The following TBCE variants were observed in gnomAD, a reference collection of about 807,000 sequenced individuals.
TBCE encodes the protein tubulin folding cofactor E, also known as tubulin-specific chaperone E.
Under a neutral mutation model 77.0 loss-of-function variants are expected in TBCE, and 53 were observed. That is an observed-to-expected ratio of 0.69 (90% CI 0.55 to 0.87). TBCE has a LOEUF of 0.87. Ranked by LOEUF, TBCE falls within the 40% of genes least tolerant of loss-of-function variation. The probability of loss-of-function intolerance (pLI) is 0.00; values close to 1 mark genes in which losing one functional copy is unlikely to be tolerated. For missense variants in TBCE, 624 were observed against 622.4 expected (o/e 1.00, Z -0.03); for synonymous variants, 235 against 241.3 (o/e 0.97, Z 0.24).
chr1:235,411,728 G>A (rs1679792935), intron 3 of TBCE, among the ~76,000 whole-genome samples: 1 of 152,020 alleles, frequency 6.6e-6, no homozygotes, highest in South Asian at 2.1e-4. Flanking sequence ...GAGAGATATG[G>A]GACTTAATTT....
intron 4 of TBCE, among the ~76,000 whole-genome samples, chr1:235,416,552 AAC>A (rs1004843684): frequency 1.0e-4 from 14 of 139,352 alleles, no homozygotes; most frequent in African/African-American, 2.4e-4. Context: ...AAAAAAAAAA[AAC>A]CCCAAATATT....
In TBCE at chr1:235,448,405, G is replaced by A. The variant is rs749208716; in HGVS notation, c.1456G>A (p.Val486Met). Residue 486 changes from valine to methionine, a missense_variant, in exon 16 of 17, where the codon GTG becomes ATG. Transcript: ENST00000642610. ...GCTGTCACGTCTTCTCAAAGTTCCT[G>A]TGTCAGACCTTCTGTTGTCCTATGA... is the stretch of plus-strand genomic sequence containing the variant. ...GLLSRLLKVP[V>M]SDLLLSYESP... The A allele has an allele frequency of 5.0e-6, 8 of 1,613,986 alleles. No individual in the cohort carries two copies. Among genetic ancestry groups the A allele is most frequent in the Non-Finnish European group, 5.9e-6 (7 of 1,180,016 alleles).
At position 235,422,888 on chromosome 1, in the gene TBCE, C is replaced by T. The variant is rs541984509; in HGVS notation, c.460+3327C>T. Among the ~76,000 whole-genome samples, 110 of 152,296 alleles carry T rather than the reference C, an allele frequency of 7.2e-4. 2 individuals carry two copies. The highest frequency in any genetic ancestry group is 4.4e-3 in the Admixed American group (68 of 15,304). On this transcript the variant is annotated intron_variant, in intron 5 of 16. Transcript: ENST00000642610. ...TGGGAGTGCTGGCTGTTGGGTTGCT[C>T]AGAGCTGTCAGCAGTGTCCTGAAGA...
chr1:235,441,894 A>C lies in TBCE; in HGVS notation c.1339+12A>C. ...AAACCAGCTACTAAGTAAGAATCTCAGATTCAAATAGTTTATTTGTATTTG... is the reference window on the plus strand; with the variant it reads ...AAACCAGCTACTAAGTAAGAATCTCCGATTCAAATAGTTTATTTGTATTTG... On this transcript the variant is annotated intron_variant, in intron 14 of 16. Transcript: ENST00000642610. 1 of 1,612,238 alleles carries C rather than the reference A, an allele frequency of 6.2e-7. No homozygotes were observed. The highest frequency in any genetic ancestry group is 8.5e-7 in the Non-Finnish European group (1 of 1,178,530).
Position 235,371,238 on chromosome 1 carries a change from T to C in TBCE, c.-32+3734T>C, listed in dbSNP as rs145286387. Among the ~76,000 whole-genome samples, 815 of 151,658 alleles carry C rather than the reference T, an allele frequency of 5.4e-3. 7 individuals carry two copies. The highest frequency in any genetic ancestry group is 0.019 in the African/African-American group (791 of 41,388). On this transcript the variant is annotated intron_variant, in intron 1 of 16. Transcript: ENST00000642610. The stretch of plus-strand genomic sequence containing the variant: ...TACCTGACTAATTTTGTATTTTTAG[T>C]AGAGATGGGGTTTCTCCATGTTGGT...
chr1:235,432,929 TAAA>T, intron 7 of TBCE: 3 of 885,662 alleles, frequency 3.4e-6, no homozygotes, highest in African/African-American at 1.8e-5. Flanking sequence ...TTTTTTTTTG[TAAA>T]AAAAAAAAAT....
chr1:235,389,065 A>C (rs375503867), intron 2 of TBCE, among the ~76,000 whole-genome samples: 2 of 152,222 alleles, frequency 1.3e-5, no homozygotes, highest in African/African-American at 4.8e-5. Flanking sequence ...AGGGCTATTT[A>C]CCAAAAGCCA....
intron 3 of TBCE, among the ~76,000 whole-genome samples, chr1:235,406,610 C>T (rs1679444697): frequency 6.6e-6 from 1 of 152,134 alleles, no homozygotes. Flanking sequence ...CGGCTCACTG[C>T]AACCTCCGCC....
At chr1:235,422,892 G>T (rs1680479477) in intron 5 of TBCE, among the ~76,000 whole-genome samples, 1 of 152,224 alleles carries the variant, frequency 6.6e-6, no homozygotes, top group East Asian at 1.9e-4. Context: ...GTTGCTCAGA[G>T]CTGTCAGCAG....
At position 235,436,524 on chromosome 1, in the gene TBCE, C is replaced by T. The variant is rs1681459778; in HGVS notation, c.899-20C>T. 6.2e-7 allele frequency: 1 copy of T among 1,613,394 alleles called. No individual in the cohort carries two copies. The highest frequency in any genetic ancestry group is 8.5e-7 in the Non-Finnish European group (1 of 1,179,380). ...AGCTACTTTCACTTCTACTGTGTAA[C>T]TTCATTCCTCTTTTTATAGGGTGCA... On this transcript the variant is annotated intron_variant, in intron 10 of 16. Coordinates refer to ENST00000642610, the MANE Select transcript of TBCE (RefSeq NM_003193.5).
At chr1:235,378,619 A>G (rs10925561) in intron 1 of TBCE, among the ~76,000 whole-genome samples, 24,919 of 151,984 alleles carry the variant, frequency 0.16, 2,836 homozygotes, top group African/African-American at 0.32. Flanking sequence ...GACTGAGGTG[A>G]GTGGATCACT....
chr1:235,444,121 A>T (rs914470471), intron 15 of TBCE, among the ~76,000 whole-genome samples: 2 of 152,246 alleles, frequency 1.3e-5, no homozygotes, highest in Non-Finnish European at 2.9e-5. Flanking sequence ...AGTTTCTATC[A>T]GATAAAGCAA....
rs555695893 is a variant in TBCE, at chr1:235,423,817, G to A, written c.461-3323G>A. 5 of 152,446 alleles carry A rather than the reference G, an allele frequency of 3.3e-5. No homozygotes were observed. The East Asian group carries it at 9.6e-4, about 29-fold the overall frequency. The allele number at this position is 152,446 out of a possible 1,614,324, so 9.4% of individuals were successfully genotyped here. ...TACCGATTGAAATGCAACTGTTTAC[G>A]AGGGTAGACCCCATTGTTAGCTCTT... is the stretch of plus-strand genomic sequence containing the variant. On this transcript the variant is annotated intron_variant, in intron 5 of 16. Transcript: ENST00000642610.
At chr1:235,420,470 A>G (rs1465407776) in intron 5 of TBCE, among the ~76,000 whole-genome samples, 2 of 138,972 alleles carry the variant, frequency 1.4e-5, no homozygotes, top group Non-Finnish European at 3.0e-5. Context: ...GCCCGCCACC[A>G]TGTCTGGCTA....
At position 235,394,105 on chromosome 1, in the gene TBCE, C is replaced by T. The variant is rs534757901; in HGVS notation, c.101-7398C>T. The stretch of plus-strand genomic sequence containing the variant: ...TATTTATTTTTTTGAGACGGAGTCT[C>T]GCTCTGTCGCTCAGGCTGGAGTGCA... On this transcript the variant is annotated intron_variant, in intron 2 of 16. Coordinates refer to ENST00000642610, the MANE Select transcript of TBCE (RefSeq NM_003193.5). Among the ~76,000 whole-genome samples, 9 of 152,218 alleles carry T rather than the reference C, an allele frequency of 5.9e-5. No individual in the cohort carries two copies. In the East Asian group the frequency reaches 9.6e-4, roughly 16 times the overall value.
chr1:235,398,921 G>A (rs1317070176), intron 2 of TBCE, among the ~76,000 whole-genome samples: 12 of 146,900 alleles, frequency 8.2e-5, no homozygotes. Context: ...CTGGGATCAT[G>A]GGCGTGAGCT....
At chr1:235,390,758 CAAAA>C (rs35639285) in intron 2 of TBCE, among the ~76,000 whole-genome samples, 8 of 71,442 alleles carry the variant, frequency 1.1e-4, no homozygotes, top group African/African-American at 2.5e-4. Flanking sequence ...CGAAACGTCT[CAAAA>C]AAAAAAAAAA....
chr1:235,403,986 A>C (rs775050643), intron 3 of TBCE, among the ~76,000 whole-genome samples: 2 of 152,204 alleles, frequency 1.3e-5, no homozygotes, highest in Non-Finnish European at 2.9e-5. Context: ...GTACAGTAAA[A>C]ATAAAAAATT....
intron 5 of TBCE, among the ~76,000 whole-genome samples, chr1:235,420,160 G>C (rs984349506): frequency 3.3e-5 from 5 of 152,176 alleles, no homozygotes; most frequent in Admixed American, 1.3e-4. Flanking sequence ...GCCTTGAGCG[G>C]ATGGAAAGCC....
Sources: gnomAD v4.1 joint callset for allele counts (sites outside exome capture counted in the v4.1 genomes callset) on GRCh38, gnomAD v4.1.1 for gene constraint, MANE v1.5 for transcripts, NCBI Gene and HGNC (gene_info 2026-07-23, HGNC 2026-07-21) for gene names.